The following ARSB variants were observed in gnomAD, a reference collection of about 807,000 sequenced individuals.
The protein encoded by ARSB is arylsulfatase B, also known as N-acetylgalactosamine-4-sulfatase.
A neutral mutation model predicts 50.9 loss-of-function variants in ARSB; 41 were observed. The ratio of observed to expected loss-of-function variants is 0.81; its 90% CI spans 0.63 to 1.04. The LOEUF is 1.04. ARSB is among the 50% of genes least tolerant of loss of function. The pLI is 0.00. For synonymous variants in ARSB, 269 were observed against 284.8 expected (o/e 0.94, Z 0.56); for missense variants, 672 against 693.3 (o/e 0.97, Z 0.35).
At chr5:78,985,397 C>T (rs1308735701), upstream of ARSB, 9 of 725,234 alleles carry the variant, frequency 1.2e-5, no homozygotes, top group Non-Finnish European at 1.7e-5. Context: ...GGGCGCTCGG[C>T]CCCCGCCGCC....
intron 6 of ARSB, among the ~76,000 whole-genome samples, chr5:78,817,401 T>G: frequency 6.6e-6 from 1 of 152,164 alleles, no homozygotes; most frequent in East Asian, 1.9e-4. Context: ...AATAGAAATA[T>G]AAATAAAGAT....
At chr5:78,875,769 G>A (rs1300567768) in intron 5 of ARSB, among the ~76,000 whole-genome samples, 2 of 151,860 alleles carry the variant, frequency 1.3e-5, no homozygotes, top group African/African-American at 2.4e-5. Context: ...ATGGGTTCAA[G>A]CGATTCTCCT....
chr5:78,846,400 T>A (rs1046006737), intron 5 of ARSB, among the ~76,000 whole-genome samples: 47 of 152,304 alleles, frequency 3.1e-4, no homozygotes, highest in Admixed American at 8.5e-4. Flanking sequence ...TAGGATTTTT[T>A]AATTTCTGTT....
At chr5:78,978,936 A>G (rs1437549004) in intron 1 of ARSB, among the ~76,000 whole-genome samples, 5 of 152,244 alleles carry the variant, frequency 3.3e-5, no homozygotes, top group African/African-American at 9.6e-5. Context: ...TTTCTTAGAC[A>G]TGGTACCAAC....
At chr5:78,807,889 C>G (rs917464887) in intron 6 of ARSB, among the ~76,000 whole-genome samples, 1 of 151,546 alleles carries the variant, frequency 6.6e-6, no homozygotes, top group East Asian at 1.9e-4. Flanking sequence ...GTCAGGAGAT[C>G]GAGACCATCC....
chr5:78,845,426 T>C (rs900132704), intron 5 of ARSB, among the ~76,000 whole-genome samples: 3 of 152,174 alleles, frequency 2.0e-5, no homozygotes, highest in East Asian at 3.9e-4. Context: ...ATGGTAGTTC[T>C]ATTTTTAGTT....
At position 78,984,984 on chromosome 5, in the gene ARSB, G is replaced by T; in HGVS notation, c.265C>A (p.Pro89Thr). 2 of 1,523,582 alleles carry T rather than the reference G, an allele frequency of 1.3e-6. No homozygotes were observed. Among genetic ancestry groups the T allele is most frequent in the African/African-American group, 2.9e-5 (2 of 70,042 alleles). The allele number at this position is 1,523,582 out of a possible 1,614,324, so 94.4% of individuals were successfully genotyped here. ...TGGCTCCGCGACGGCGTGCACAGCGGCTGCGTGTAGTAGTTGTCCAGGAGC... is the reference window on the plus strand; with the variant it reads ...TGGCTCCGCGACGGCGTGCACAGCGTCTGCGTGTAGTAGTTGTCCAGGAGC... ...GVLLDNYYTQ[P>T]LCTPSRSQLL... The change falls in exon 1 of 8, where the codon CCG (proline) becomes ACG (threonine). Residue 89 changes from proline (P) to threonine (T), a missense_variant. Transcript: ENST00000264914.
chr5:78,901,046 G>GGA, intron 4 of ARSB, among the ~76,000 whole-genome samples: 1 of 27,846 alleles, frequency 3.6e-5, no homozygotes, highest in South Asian at 1.5e-3. Context: ...CTCCGTCTCA[G>GGA]GAAAAAAAAA....
chr5:78,938,579 T>C (rs929203688), intron 4 of ARSB, among the ~76,000 whole-genome samples: 11 of 152,240 alleles, frequency 7.2e-5, no homozygotes, highest in Non-Finnish European at 5.9e-5. Flanking sequence ...CCCAGTGAGA[T>C]TGGTTTCCTA....
At chr5:78,939,504 T>C (rs1437649798) in intron 4 of ARSB, among the ~76,000 whole-genome samples, 1 of 152,122 alleles carries the variant, frequency 6.6e-6, no homozygotes, top group African/African-American at 2.4e-5. Flanking sequence ...CATTGTTCAA[T>C]TCCCACCTAT....
chr5:78,957,716 G>A (rs1751792671), intron 3 of ARSB, among the ~76,000 whole-genome samples: 2 of 152,258 alleles, frequency 1.3e-5, no homozygotes, highest in South Asian at 4.2e-4. Flanking sequence ...CTATGTTCGT[G>A]TAGACCATGG....
At chr5:78,942,982 T>C (rs1751014853) in intron 4 of ARSB, among the ~76,000 whole-genome samples, 1 of 152,342 alleles carries the variant, frequency 6.6e-6, no homozygotes, top group East Asian at 1.9e-4. Context: ...GGTGCATATA[T>C]ATTTAGGAGA....
chr5:78,841,533 T>C (rs528240634), intron 5 of ARSB, among the ~76,000 whole-genome samples: 15 of 152,326 alleles, frequency 9.8e-5, no homozygotes, highest in South Asian at 6.2e-4. Flanking sequence ...AAAGGCTTTT[T>C]CTGGACTATA....
chr5:78,905,878 C>T (rs1749037900), intron 4 of ARSB, among the ~76,000 whole-genome samples: 1 of 125,274 alleles, frequency 8.0e-6, no homozygotes, highest in South Asian at 2.6e-4. Flanking sequence ...TGCACTTCTG[C>T]ATAACTGAGG....
chr5:78,853,133 C>T (rs1057498263), intron 5 of ARSB, among the ~76,000 whole-genome samples: 3 of 152,206 alleles, frequency 2.0e-5, no homozygotes, highest in Non-Finnish European at 2.9e-5. Context: ...GAGAGGCGCT[C>T]TGTTTTTAGA....
At chr5:78,865,424 A>G (rs1746675532) in intron 5 of ARSB, among the ~76,000 whole-genome samples, 1 of 152,076 alleles carries the variant, frequency 6.6e-6, no homozygotes, top group Admixed American at 6.5e-5. Flanking sequence ...TAGGCTGTAC[A>G]CAGCACAGGG....
rs1554070200 is a variant in ARSB, at chr5:78,787,091, C to CT, written c.1214-5118_1214-5117insA. 1.2e-3 allele frequency among the ~76,000 whole-genome samples: 159 copies of CT among 128,052 alleles called. 1 individual carries two copies. Among genetic ancestry groups the CT allele is most frequent in the African/African-American group, 4.1e-3 (142 of 34,862 alleles). 84.0% of individuals were successfully genotyped at this position (128,052 alleles called of 152,430 possible). ...CTATAGTTATTAAAAAATCGATAAC[C>CT]ATCTATCTATCTATCTATCTATCTA... On this transcript the variant is annotated intron_variant, in intron 6 of 7. Coordinates refer to ENST00000264914, the MANE Select transcript of ARSB (RefSeq NM_000046.5).
At chr5:78,962,524 A>ATTTTTTTTTTTTT (rs10683109) in intron 3 of ARSB, among the ~76,000 whole-genome samples, 3 of 106,206 alleles carry the variant, frequency 2.8e-5, no homozygotes, top group Middle Eastern at 5.8e-3. Context: ...CATGTGCTCG[A>ATTTTTTTTTTTTT]TTTTTTTTTT....
rs1253125391 is a variant in ARSB at position 78,871,090 on chromosome 5, T to C, written c.1142+14494A>G. ...ATTGCTTCAAAGAGAATAAAATACCTAGGAATCCAACTTACAAGGGATGTG... is the reference window on the plus strand; with the variant it reads ...ATTGCTTCAAAGAGAATAAAATACCCAGGAATCCAACTTACAAGGGATGTG... On this transcript the variant is annotated intron_variant, in intron 5 of 7. Transcript: ENST00000264914. Among the ~76,000 whole-genome samples, 3 of 148,694 alleles carry C rather than the reference T, an allele frequency of 2.0e-5. No individual in the cohort carries two copies. The East Asian group carries it at 5.9e-4, about 29-fold the overall frequency.
Sources: gnomAD v4.1 joint callset for allele counts (sites outside exome capture counted in the v4.1 genomes callset) on GRCh38, gnomAD v4.1.1 for gene constraint, MANE v1.5 for transcripts, NCBI Gene and HGNC (gene_info 2026-07-23, HGNC 2026-07-21) for gene names.